The following RBBP5 variants were observed in gnomAD, a reference collection of about 807,000 sequenced individuals.
RBBP5 encodes RB binding protein 5, histone lysine methyltransferase complex subunit.
RBBP5 carries 5 observed loss-of-function variants against 72.2 expected under a neutral mutation model. The observed-to-expected ratio is 0.07, with a 90% CI of 0.04 to 0.15. RBBP5 has a LOEUF of 0.15. Ranked by LOEUF, RBBP5 falls within the 10% of genes least tolerant of loss-of-function variation. The pLI, the probability that RBBP5 is intolerant of heterozygous loss-of-function variation, is 1.00. For missense variants in RBBP5, 322 were observed against 652.2 expected (o/e 0.49, Z 5.51); for synonymous variants, 209 against 237.2 (o/e 0.88, Z 1.09).
At position 205,099,693 on chromosome 1, in the gene RBBP5, A is replaced by T. The variant is rs1185282253; in HGVS notation, c.978+48T>A. The T allele has an allele frequency of 1.3e-6, 2 of 1,508,526 alleles. No homozygotes were observed. The highest frequency in any genetic ancestry group is 2.4e-5 in the South Asian group (2 of 84,518). The allele number at this position is 1,508,526 out of a possible 1,614,324, so 93.4% of individuals were successfully genotyped here. On this transcript the variant is annotated intron_variant, in intron 9 of 13. Transcript: ENST00000264515. The surrounding 1 kb of genome is among the most constrained non-coding windows in gnomAD (Gnocchi z 4.7). The stretch of plus-strand genomic sequence containing the variant: ...CTTCCTATGTATAAGGTTCTTTGAT[A>T]AAAAGAAGGGGTAACTAGTTTCGAA...
At position 205,099,635 on chromosome 1, in the gene RBBP5, A is replaced by T; in HGVS notation, c.978+106T>A. On this transcript the variant is annotated intron_variant, in intron 9 of 13. Transcript: ENST00000264515. The surrounding 1 kb of genome is among the most constrained non-coding windows in gnomAD (Gnocchi z 4.7). ...CTATGTAATTTAGGTTGCGAGAATC[A>T]TATGCAAAAGAAAATAAAAATGTAA... The T allele has an allele frequency of 8.3e-7, 1 of 1,208,610 alleles. No homozygotes were observed. Among genetic ancestry groups the T allele is most frequent in the Non-Finnish European group, 1.2e-6 (1 of 854,426 alleles). 74.9% of individuals were successfully genotyped at this position (1,208,610 alleles called of 1,614,324 possible).
At position 205,088,753 on chromosome 1, in the gene RBBP5, CAA is replaced by C; in HGVS notation, c.*32_*33del. ...ACAGTGTCCAGAGGCCACATGATGG[CAA>C]AGTGAGAAAGAATGAAGAACTTCGA... On this transcript the variant is annotated 3_prime_UTR_variant, in exon 14 of 14. Coordinates refer to ENST00000264515, the MANE Select transcript of RBBP5 (RefSeq NM_005057.4). The C allele has an allele frequency of 2.5e-6, 4 of 1,576,250 alleles. No homozygotes were observed. Among genetic ancestry groups the C allele is most frequent in the East Asian group, 2.3e-5 (1 of 43,970 alleles).
chr1:205,112,113 T>C (rs1656339201), intron 3 of RBBP5, among the ~76,000 whole-genome samples: 1 of 152,092 alleles, frequency 6.6e-6, no homozygotes, highest in South Asian at 2.1e-4. Flanking sequence ...AGGTCAGTAG[T>C]TCAAGACCAG....
intron 1 of RBBP5, among the ~76,000 whole-genome samples, chr1:205,119,081 C>T (rs912254757): frequency 6.6e-6 from 1 of 152,140 alleles, no homozygotes; most frequent in African/African-American, 2.4e-5. Flanking sequence ...TTTAATTTGT[C>T]TAACCTTCCA....
chr1:205,095,906 G>C (rs981284769), intron 12 of RBBP5, among the ~76,000 whole-genome samples: 2 of 152,114 alleles, frequency 1.3e-5, no homozygotes, highest in African/African-American at 4.8e-5. Context: ...AAAGAGAAGA[G>C]GAAGGGCCGG....
intron 13 of RBBP5, among the ~76,000 whole-genome samples, chr1:205,093,730 G>A (rs1028822821): frequency 6.6e-6 from 1 of 151,088 alleles, no homozygotes; most frequent in African/African-American, 2.4e-5. Flanking sequence ...TAGTAAACTC[G>A]AGATGGAATA....
chr1:205,112,342 T>C (rs1465232252), intron 3 of RBBP5, among the ~76,000 whole-genome samples: 1 of 152,076 alleles, frequency 6.6e-6, no homozygotes, highest in Non-Finnish European at 1.5e-5. Flanking sequence ...AAAATACAGT[T>C]ATAAATTATC....
rs764696825 is a variant in RBBP5, at chr1:205,100,238, G to C, written c.666C>G (p.Ile222Met). Residue 222 changes from isoleucine to methionine, a missense_variant, in exon 7 of 14, where the codon ATC becomes ATG. Physicochemically the swap from Ile to Met is conservative, Grantham distance 10. Coordinates refer to ENST00000264515, the MANE Select transcript of RBBP5 (RefSeq NM_005057.4). ...AGATTTCTCTGCCATCATAAACTCTGATTATTCGATCTGCCGTGTTAATTA... is the reference window on the plus strand; with the variant it reads ...AGATTTCTCTGCCATCATAAACTCTCATTATTCGATCTGCCGTGTTAATTA... Reference protein sequence around the residue: ...CFLINTADRIIRVYDGREILT... With the variant: ...CFLINTADRIMRVYDGREILT... The C allele has an allele frequency of 1.2e-6, 2 of 1,613,962 alleles. No homozygotes were observed. The highest frequency in any genetic ancestry group is 3.3e-5 in the Admixed American group (2 of 60,008).
intron 10 of RBBP5, among the ~76,000 whole-genome samples, chr1:205,098,266 T>C (rs1006603336): frequency 6.6e-6 from 1 of 152,222 alleles, no homozygotes; most frequent in African/African-American, 2.4e-5. Context: ...CAAGGCAGTC[T>C]GACTTCAGAG....
chr1:205,087,597 C>A lies in RBBP5; in HGVS notation c.*1190G>T, dbSNP rs1296439091. The A allele has an allele frequency of 2.0e-5, 3 of 150,272 alleles. No homozygotes were observed. The East Asian group carries it at 5.8e-4, about 29-fold the overall frequency. The allele number at this position is 150,272 out of a possible 1,614,324, so 9.3% of individuals were successfully genotyped here. On this transcript the variant is annotated 3_prime_UTR_variant, in exon 14 of 14. Transcript: ENST00000264515. ...AAAAGACGATCCAGATTAAGCACTT[C>A]CAGTCAGCTAAAAACGCCACTCAGA...
At chr1:205,113,663 T>C (rs554134533) in intron 3 of RBBP5, among the ~76,000 whole-genome samples, 2 of 150,388 alleles carry the variant, frequency 1.3e-5, no homozygotes, top group African/African-American at 4.9e-5. Context: ...GTGAAACACA[T>C]ACACACACAC....
chr1:205,117,765 T>C (rs963428712), intron 1 of RBBP5, among the ~76,000 whole-genome samples: 1 of 152,038 alleles, frequency 6.6e-6, no homozygotes, highest in South Asian at 2.1e-4. Context: ...ACTGAAAATT[T>C]GGGATGGGGA....
Position 205,099,821 on chromosome 1 carries a change from T to C in RBBP5, c.907-9A>G, listed in dbSNP as rs774163275. 2 of 1,613,884 alleles carry C rather than the reference T, an allele frequency of 1.2e-6. No homozygotes were observed. The highest frequency in any genetic ancestry group is 3.3e-5 in the Admixed American group (2 of 60,000). ...GGTCGAACAGGATGCCACTAAATTT[T>C]AGTGAAGGAAAGAAAAACAGGTTGT... On this transcript the variant is annotated splice_polypyrimidine_tract_variant and intron_variant, in intron 8 of 13. Transcript: ENST00000264515. This position sits in a 1 kb window ranked among gnomAD's most constrained non-coding sequence, Gnocchi z 4.7.
chr1:205,104,619 G>C (rs1655979053), intron 4 of RBBP5, among the ~76,000 whole-genome samples: 1 of 151,984 alleles, frequency 6.6e-6, no homozygotes, highest in South Asian at 2.1e-4. Context: ...GAGGTGGACA[G>C]ATCACGAGGT....
At chr1:205,114,483 G>A (rs1021085026) in intron 3 of RBBP5, among the ~76,000 whole-genome samples, 25 of 151,950 alleles carry the variant, frequency 1.6e-4, no homozygotes, top group African/African-American at 5.1e-4. Flanking sequence ...TGTCCTAACC[G>A]AGACTTTTTA....
intron 3 of RBBP5, among the ~76,000 whole-genome samples, chr1:205,111,843 G>A (rs146950795): frequency 4.2e-3 from 636 of 152,210 alleles, no homozygotes; most frequent in Non-Finnish European, 7.4e-3. Context: ...GGTTCTCCAT[G>A]AGGACCTTGG....
chr1:205,116,634 T>G (rs1260513023), intron 1 of RBBP5, among the ~76,000 whole-genome samples: 1 of 152,144 alleles, frequency 6.6e-6, no homozygotes, highest in Non-Finnish European at 1.5e-5. Context: ...GCCAAAATGG[T>G]GAAACCCCGT....
At chr1:205,117,234 A>G (rs1656562452) in intron 1 of RBBP5, among the ~76,000 whole-genome samples, 1 of 151,528 alleles carries the variant, frequency 6.6e-6, no homozygotes, top group Non-Finnish European at 1.5e-5. Context: ...TTGTATTTTT[A>G]GTAGAGACAG....
intron 3 of RBBP5, 139 bp from the exon 4 acceptor site, chr1:205,105,307 A>C: frequency 1.1e-6 from 1 of 898,684 alleles, no homozygotes; most frequent in Non-Finnish European, 1.6e-6. Context: ...GTATACTCAA[A>C]TCCATAAGCT....
Sources: gnomAD v4.1 joint callset for allele counts (sites outside exome capture counted in the v4.1 genomes callset) on GRCh38, gnomAD v4.1.1 for gene constraint, Gnocchi (gnomAD v3.1) non-coding constraint, MANE v1.5 for transcripts, NCBI Gene and HGNC (gene_info 2026-07-23, HGNC 2026-07-21) for gene names.